SUPT6H: variants seen among roughly 807,000 people sequenced by gnomAD.
The protein encoded by SUPT6H is transcription elongation factor SPT6.
In SUPT6H, 11 loss-of-function variants were observed where a neutral mutation model predicts 222.3. That is an observed-to-expected ratio of 0.05 (90% CI 0.03 to 0.08). The LOEUF (loss-of-function observed/expected upper bound fraction) is 0.08, where lower values mean the gene tolerates loss of function less well. SUPT6H is among the 10% of genes least tolerant of loss of function. The pLI, the probability that SUPT6H is intolerant of heterozygous loss-of-function variation, is 1.00. For missense variants in SUPT6H, 1,422 were observed against 2,216.0 expected (o/e 0.64, Z 7.19); for synonymous variants, 762 against 801.2 (o/e 0.95, Z 0.83).
intron 35 of SUPT6H, 189 bp from the exon 36 acceptor site, chr17:28,700,752 C>A: frequency 1.1e-6 from 1 of 931,872 alleles, no homozygotes. Context: ...TTGACATGGT[C>A]AGGACCAGTG....
chr17:28,701,731 T>A lies in SUPT6H; in HGVS notation c.*106T>A. On this transcript the variant is annotated 3_prime_UTR_variant, in exon 37 of 37. Coordinates refer to ENST00000314616, the MANE Select transcript of SUPT6H (RefSeq NM_003170.5). Reference sequence around the variant, plus strand: ...TTTATGTCCATAAAGTGGCGTGAAGTGAGACGTTCTCTTTGGTGGTCAACC... The same window carrying A: ...TTTATGTCCATAAAGTGGCGTGAAGAGAGACGTTCTCTTTGGTGGTCAACC... 8.0e-7 allele frequency: 1 copy of A among 1,251,820 alleles called. No individual in the cohort carries two copies. Among genetic ancestry groups the A allele is most frequent in the Non-Finnish European group, 1.1e-6 (1 of 912,510 alleles). 77.5% of individuals were successfully genotyped at this position (1,251,820 alleles called of 1,614,324 possible).
intron 32 of SUPT6H, 32 bp downstream of exon 32, chr17:28,698,062 T>C (rs745710124): frequency 5.0e-6 from 8 of 1,596,276 alleles, no homozygotes; most frequent in Non-Finnish European, 6.8e-6. Context: ...GTGCTGCCAC[T>C]GGGGTTCATA....
intron 29 of SUPT6H, among the ~76,000 whole-genome samples, chr17:28,696,470 G>A (rs993871781): frequency 2.7e-5 from 4 of 149,636 alleles, no homozygotes; most frequent in East Asian, 2.0e-4. Context: ...GGTGGTGGGC[G>A]CCTGTAATCC....
Position 28,674,526 on chromosome 17 carries a change from T to C in SUPT6H, c.269-11T>C, listed in dbSNP as rs760128922. 8 of 1,614,212 alleles carry C rather than the reference T, an allele frequency of 5.0e-6. No individual in the cohort carries two copies. The East Asian group carries it at 1.8e-4, about 36-fold the overall frequency. ...AACCCCATCACCATGGGCAACACTT[T>C]GTTTCTTCAGCCTCTTTTGATGACC... On this transcript the variant is annotated splice_polypyrimidine_tract_variant and intron_variant, in intron 3 of 36. Transcript: ENST00000314616.
At chr17:28,700,552 G>A (rs1474723834) in intron 35 of SUPT6H, 40 bp downstream of exon 35, 16 of 1,595,472 alleles carry the variant, frequency 1.0e-5, no homozygotes, top group African/African-American at 1.3e-5. Context: ...GCAGGGTGGG[G>A]CCCATAGACT....
intron 9 of SUPT6H, 87 bp downstream of exon 9, chr17:28,678,279 C>T: frequency 8.2e-7 from 1 of 1,226,146 alleles, no homozygotes; most frequent in Non-Finnish European, 1.2e-6. Context: ...AGGTGGGAGC[C>T]CCCTTCCCGT....
chr17:28,701,032 C>T lies in SUPT6H; in HGVS notation c.4898C>T (p.Pro1633Leu). Residue 1633 changes from proline (P) to leucine (L), a missense_variant, in exon 36 of 37, where the codon CCT becomes CTT. By Grantham distance (98) the Pro-to-Leu change is moderately conservative. Around this residue, in one of 13 missense-constraint regions of SUPT6H, gnomAD observed 395 missense variants for 580.6 expected, o/e 0.68. Transcript: ENST00000314616. ...ACCCCAAGCCAGCCCATCACCACCCCTCAGTACCACCAGCTCCAGGCCAGC... is the reference window on the plus strand; with the variant it reads ...ACCCCAAGCCAGCCCATCACCACCCTTCAGTACCACCAGCTCCAGGCCAGC... ...YTTPSQPITT[P>L]QYHQLQASTT... 2 of 1,614,188 alleles carry T rather than the reference C, an allele frequency of 1.2e-6. No individual in the cohort carries two copies. Among genetic ancestry groups the T allele is most frequent in the Non-Finnish European group, 1.7e-6 (2 of 1,180,014 alleles).
chr17:28,680,812 T>C (rs1433207552), intron 11 of SUPT6H, among the ~76,000 whole-genome samples: 1 of 152,166 alleles, frequency 6.6e-6, no homozygotes, highest in African/African-American at 2.4e-5. Flanking sequence ...TATACCCTGC[T>C]AGTTTTTTGT....
rs751746344 is a variant in SUPT6H at position 28,687,076 on chromosome 17, G to C, written c.2701-12G>C. The stretch of plus-strand genomic sequence containing the variant: ...GGATTTTAAGGCCCTGCTGACCCTC[G>C]TTTGACTCTAGGCAGAGTTCCGGGA... On this transcript the variant is annotated splice_polypyrimidine_tract_variant and intron_variant, in intron 21 of 36. Transcript: ENST00000314616. 1.9e-6 allele frequency: 3 copies of C among 1,612,006 alleles called. No homozygotes were observed. The highest frequency in any genetic ancestry group is 2.5e-6 in the Non-Finnish European group (3 of 1,179,352).
rs373221604 is a variant in SUPT6H at position 28,683,273 on chromosome 17, G to A, written c.1884G>A (p.Val628=). The change falls in exon 16 of 37, where the codon GTG becomes GTA. Residue 628 remains valine, a synonymous_variant. Transcript: ENST00000314616. ...ITPTKKGRKD[V]DEAHYAYSFK... ...TTCCCCCTTCATGTGTGCAGGATGT[G>A]GATGAGGCCCACTATGCCTATTCCT... The A allele has an allele frequency of 1.7e-5, 27 of 1,614,000 alleles. No individual in the cohort carries two copies. Among genetic ancestry groups the A allele is most frequent in the Non-Finnish European group, 2.2e-5 (26 of 1,179,994 alleles).
At chr17:28,664,204 C>T (rs2072125925) in intron 1 of SUPT6H, among the ~76,000 whole-genome samples, 1 of 152,094 alleles carries the variant, frequency 6.6e-6, no homozygotes, top group East Asian at 1.9e-4. Context: ...CTTTTGCTCT[C>T]TATCTAATGT....
chr17:28,682,052 T>G, intron 13 of SUPT6H, 72 bp downstream of exon 13: 1 of 1,290,144 alleles, frequency 7.8e-7, no homozygotes, highest in Admixed American at 2.3e-5. Context: ...AAAAGACTGG[T>G]AGGTAGGAAA....
chr17:28,683,133 C>T, intron 15 of SUPT6H, 41 bp downstream of exon 15: 4 of 1,565,084 alleles, frequency 2.6e-6, no homozygotes, highest in Middle Eastern at 1.7e-4. Flanking sequence ...TGTGCACCAG[C>T]TCTTTCTTTG....
rs2032108047 is a variant in SUPT6H, at chr17:28,701,040, C to G, written c.4906C>G (p.His1636Asp). Residue 1636 changes from histidine to aspartate, a missense_variant, in exon 36 of 37, where the codon CAC becomes GAC. Around this residue, in one of 13 missense-constraint regions of SUPT6H, gnomAD observed 395 missense variants for 580.6 expected, o/e 0.68. Coordinates refer to ENST00000314616, the MANE Select transcript of SUPT6H (RefSeq NM_003170.5). Reference protein sequence around the residue: ...PSQPITTPQYHQLQASTTPQS... With the variant: ...PSQPITTPQYDQLQASTTPQS... ...CCAGCCCATCACCACCCCTCAGTAC[C>G]ACCAGCTCCAGGCCAGCACCACCCC... 1 of 1,614,046 alleles carries G rather than the reference C, an allele frequency of 6.2e-7. No homozygotes were observed. Among genetic ancestry groups the G allele is most frequent in the South Asian group, 1.1e-5 (1 of 91,092 alleles).
At chr17:28,699,023 G>C (rs1346151353) in intron 32 of SUPT6H, among the ~76,000 whole-genome samples, 1 of 152,210 alleles carries the variant, frequency 6.6e-6, no homozygotes, top group Non-Finnish European at 1.5e-5. Flanking sequence ...TCCTTGTGTG[G>C]CAGAATTAAC....
chr17:28,684,980 GAT>G lies in SUPT6H; in HGVS notation c.2487+21_2487+22del. On this transcript the variant is annotated intron_variant, in intron 19 of 36. Transcript: ENST00000314616. ...AAAGAAGGCAAGTGGCTAGGACGAG[GAT>G]ACTAAGTGTACATCTGGAGTATGTC... 6.2e-7 allele frequency: 1 copy of G among 1,601,986 alleles called. No homozygotes were observed. The highest frequency in any genetic ancestry group is 8.5e-7 in the Non-Finnish European group (1 of 1,170,896).
At chr17:28,685,792 C>T (rs2031351340) in intron 19 of SUPT6H, among the ~76,000 whole-genome samples, 1 of 152,296 alleles carries the variant, frequency 6.6e-6, no homozygotes, top group East Asian at 1.9e-4. Context: ...CCCTTAAAAT[C>T]TTGAAATGGA....
chr17:28,700,810 T>C (rs1262882406), intron 35 of SUPT6H, 131 bp from the exon 36 acceptor site: 15 of 1,190,414 alleles, frequency 1.3e-5, no homozygotes, highest in Admixed American at 8.8e-5. Flanking sequence ...CCACTGCTGG[T>C]CAGAAGCACA....
chr17:28,690,288 A>G, intron 26 of SUPT6H, 59 bp downstream of exon 26: 1 of 1,585,282 alleles, frequency 6.3e-7, no homozygotes, highest in East Asian at 2.2e-5. Context: ...GTGTACATTC[A>G]AACCAAGCAG....
Sources: allele counts gnomAD v4.1 joint callset (sites outside exome capture counted in the v4.1 genomes callset), GRCh38; gene constraint gnomAD v4.1.1; regional missense constraint gnomAD v4.1.1; transcripts MANE v1.5; gene names NCBI Gene and HGNC (gene_info 2026-07-23, HGNC 2026-07-21).